ZNF606: variants seen among roughly 807,000 people sequenced by gnomAD.
ZNF606 encodes the protein zinc finger protein 606.
In ZNF606, 37 loss-of-function variants were observed where a neutral mutation model predicts 74.9. The ratio of observed to expected loss-of-function variants is 0.49; its 90% CI spans 0.38 to 0.65. The LOEUF is 0.65. Ranked by LOEUF, ZNF606 falls within the 30% of genes least tolerant of loss-of-function variation. ZNF606 has a pLI of 0.00. For synonymous variants in ZNF606, 328 were observed against 312.4 expected (o/e 1.05, Z -0.53); for missense variants, 852 against 952.9 (o/e 0.89, Z 1.39).
In ZNF606 at chr19:57,979,602, T is replaced by C. The variant is rs2073048773; in HGVS notation, c.1078A>G (p.Met360Val). ...ACAGTACCAATTTTTTGATGTTCCATAAAGGATGAGAAATAAAAGATATTC... is the reference window on the plus strand; with the variant it reads ...ACAGTACCAATTTTTTGATGTTCCACAAAGGATGAGAAATAAAAGATATTC... Reference protein sequence around the residue: ...YENIFYFSSFMEHQKIGTVEK... With the variant: ...YENIFYFSSFVEHQKIGTVEK... Residue 360 changes from methionine (M) to valine (V), a missense_variant, in exon 7 of 7, where the codon ATG (methionine) becomes GTG (valine). Met to Val is a conservative substitution (Grantham distance 21). Transcript: ENST00000551380. 4 of 1,613,378 alleles carry C rather than the reference T, an allele frequency of 2.5e-6. No homozygotes were observed. Among genetic ancestry groups the C allele is most frequent in the East Asian group, 2.2e-5 (1 of 44,878 alleles).
rs754395117 is a variant in ZNF606 at position 57,980,298 on chromosome 19, A to C, written c.401-19T>G. 6.3e-7 allele frequency: 1 copy of C among 1,580,466 alleles called. No individual in the cohort carries two copies. The highest frequency in any genetic ancestry group is 8.6e-7 in the Non-Finnish European group (1 of 1,165,966). The stretch of plus-strand genomic sequence containing the variant: ...ACCCATTCTGAAACAGACAGAAAAA[A>C]AGCTATGAGAGCATAGAGAAAGACA... On this transcript the variant is annotated intron_variant, in intron 6 of 6. Coordinates refer to ENST00000551380, the MANE Select transcript of ZNF606 (RefSeq NM_001348022.3).
chr19:57,988,854 A>C, intron 4 of ZNF606, 133 bp from the exon 5 acceptor site: 1 of 1,432,698 alleles, frequency 7.0e-7, no homozygotes, highest in Non-Finnish European at 9.6e-7. Context: ...CAAGAGTCTG[A>C]CTAATGTGAG....
Position 57,979,373 on chromosome 19 carries a change from A to C in ZNF606, c.1307T>G (p.Val436Gly). The C allele has an allele frequency of 6.2e-7, 1 of 1,612,542 alleles. No individual in the cohort carries two copies. Among genetic ancestry groups the C allele is most frequent in the Non-Finnish European group, 8.5e-7 (1 of 1,179,202 alleles). ...KPYECDKCGK[V>G]FRNRSALTKH... ...CGTAAGGGCTGAGCGATTCCTAAAAACTTTTCCACATTTATCACATTCATA... is the reference window on the plus strand; with the variant it reads ...CGTAAGGGCTGAGCGATTCCTAAAACCTTTTCCACATTTATCACATTCATA... Residue 436 changes from valine to glycine, a missense_variant, in exon 7 of 7, where the codon GTT becomes GGT. Physicochemically the swap from Val to Gly is moderately radical, Grantham distance 109. This residue lies in a region of ZNF606 where 545 missense variants were observed against 542.5 expected (regional missense o/e 1.00). Transcript: ENST00000551380.
intron 6 of ZNF606, among the ~76,000 whole-genome samples, chr19:57,987,029 G>A (rs984482983): frequency 2.0e-5 from 3 of 152,064 alleles, no homozygotes; most frequent in Admixed American, 6.5e-5. Flanking sequence ...TGCAGAGGCT[G>A]CAGTAAGTCA....
At chr19:58,000,599 C>G in intron 3 of ZNF606, 84 bp downstream of exon 3, 1 of 1,439,314 alleles carries the variant, frequency 6.9e-7, no homozygotes. Flanking sequence ...CACCTGGTCC[C>G]CATTCTATTC....
intron 4 of ZNF606, among the ~76,000 whole-genome samples, chr19:57,990,343 C>T (rs1216523313): frequency 2.0e-5 from 3 of 148,048 alleles, no homozygotes; most frequent in Admixed American, 6.8e-5. Context: ...CCAGCCTGGG[C>T]GACAAAGCAA....
chr19:57,987,573 A>T (rs1184306079), intron 6 of ZNF606, among the ~76,000 whole-genome samples: 2 of 152,188 alleles, frequency 1.3e-5, no homozygotes, highest in African/African-American at 4.8e-5. Context: ...CATGCCTGTA[A>T]TCCCAGCACT....
rs974342633 is a variant in ZNF606, at chr19:57,977,611, C to A, written c.*690G>T. The A allele has an allele frequency of 8.5e-5, 13 of 152,306 alleles. No homozygotes were observed. Among genetic ancestry groups the A allele is most frequent in the African/African-American group, 3.1e-4 (13 of 41,428 alleles). The allele number at this position is 152,306 out of a possible 1,614,324, so 9.4% of individuals were successfully genotyped here. Reference sequence around the variant, plus strand: ...TGCCCAACAATGCAGTGATGAGTAACAATGGACGCTGACACACTGGGCTAA... The same window carrying A: ...TGCCCAACAATGCAGTGATGAGTAAAAATGGACGCTGACACACTGGGCTAA... On this transcript the variant is annotated 3_prime_UTR_variant, in exon 7 of 7. Transcript: ENST00000551380.
At chr19:58,000,117 T>A in intron 3 of ZNF606, 1 of 547,344 alleles carries the variant, frequency 1.8e-6, no homozygotes, top group South Asian at 2.7e-5. Context: ...GGGTACCATC[T>A]CTGAGAAGCA....
intron 6 of ZNF606, among the ~76,000 whole-genome samples, chr19:57,982,346 A>G (rs13346861): frequency 0.19 from 28,419 of 152,056 alleles, 3,046 homozygotes; most frequent in African/African-American, 0.3. Flanking sequence ...ATCTTATAAA[A>G]GGACCCTTGT....
In ZNF606 at chr19:57,979,754, C is replaced by A; in HGVS notation, c.926G>T (p.Gly309Val). ...NHIIHFGDHKGIHTGEKLYEY... is the reference protein window; with the variant it reads ...NHIIHFGDHKVIHTGEKLYEY... ...ATAGAGTTTTTCTCCTGTGTGAATTCCTTTATGATCACCAAAATGTATTAT... is the reference window on the plus strand; with the variant it reads ...ATAGAGTTTTTCTCCTGTGTGAATTACTTTATGATCACCAAAATGTATTAT... The change falls in exon 7 of 7, where the codon GGA becomes GTA. Residue 309 changes from glycine (G) to valine (V), a missense_variant. Physicochemically the swap from Gly to Val is moderately radical, Grantham distance 109. This residue lies in a region of ZNF606 where 545 missense variants were observed against 542.5 expected (regional missense o/e 1.00). Coordinates refer to ENST00000551380, the MANE Select transcript of ZNF606 (RefSeq NM_001348022.3). The A allele has an allele frequency of 6.2e-7, 1 of 1,613,354 alleles. No individual in the cohort carries two copies. The highest frequency in any genetic ancestry group is 8.5e-7 in the Non-Finnish European group (1 of 1,179,934).
At chr19:58,001,487 GAA>G in intron 1 of ZNF606, 117 bp from the exon 2 acceptor site, 1 of 723,898 alleles carries the variant, frequency 1.4e-6, no homozygotes, top group Non-Finnish European at 2.4e-6. Context: ...AGCATCGTAA[GAA>G]AAGAGAATTT....
rs779999249 is a variant in ZNF606 at position 57,987,728 on chromosome 19, T to G, written c.400+479A>C. Among the ~76,000 whole-genome samples, 202 of 152,102 alleles carry G rather than the reference T, an allele frequency of 1.3e-3. 2 individuals are homozygous for G. The highest frequency in any genetic ancestry group is 1.7e-3 in the Non-Finnish European group (118 of 68,000). ...CTGTAATCCCAGCTACTCAGGAGGC[T>G]GAGGTGGGAGAATCGCTTGAACCCG... is the stretch of plus-strand genomic sequence containing the variant. On this transcript the variant is annotated intron_variant, in intron 6 of 6. Coordinates refer to ENST00000551380, the MANE Select transcript of ZNF606 (RefSeq NM_001348022.3).
chr19:57,995,183 C>CT (rs1246617972), intron 4 of ZNF606, among the ~76,000 whole-genome samples: 1 of 132,262 alleles, frequency 7.6e-6, no homozygotes, highest in Admixed American at 8.0e-5. Context: ...GAATGAGACT[C>CT]TGACTCAAAA....
intron 4 of ZNF606, among the ~76,000 whole-genome samples, chr19:57,989,299 T>A (rs73937086): frequency 6.6e-6 from 1 of 151,702 alleles, no homozygotes; most frequent in Non-Finnish European, 1.5e-5. Context: ...ACAGCTGCCA[T>A]TAAAAGCACA....
In ZNF606 at chr19:57,978,846, T is replaced by C; in HGVS notation, c.1834A>G (p.Thr612Ala). The C allele has an allele frequency of 3.1e-6, 5 of 1,614,172 alleles. No individual in the cohort carries two copies. The highest frequency in any genetic ancestry group is 4.2e-6 in the Non-Finnish European group (5 of 1,180,028). ...CCAGAATGAATTATCTCATGTTTAGTGAGGGCTGAGCGTTCTCTGAATGCT... is the reference window on the plus strand; with the variant it reads ...CCAGAATGAATTATCTCATGTTTAGCGAGGGCTGAGCGTTCTCTGAATGCT... ...GKAFRERSAL[T>A]KHEIIHSGIK... The change falls in exon 7 of 7, where the codon ACT becomes GCT. Residue 612 changes from threonine (T) to alanine (A), a missense_variant. Thr to Ala is a moderately conservative substitution (Grantham distance 58, BLOSUM62 0). Transcript: ENST00000551380. This position sits in a 1 kb window ranked among gnomAD's most constrained non-coding sequence, Gnocchi z 4.4.
chr19:57,997,973 A>T (rs1175611630), intron 4 of ZNF606: 3 of 152,224 alleles, frequency 2.0e-5, no homozygotes, highest in African/African-American at 7.2e-5. Flanking sequence ...AAGTGGGAAC[A>T]GCATACTTAT....
At chr19:57,999,616 C>A (rs1275997225) in intron 4 of ZNF606, 192 bp downstream of exon 4, 5 of 603,538 alleles carry the variant, frequency 8.3e-6, no homozygotes, top group African/African-American at 7.4e-5. Flanking sequence ...TGTGGACAGA[C>A]TGGTTGACAC....
chr19:57,990,513 C>G (rs2073241924), intron 4 of ZNF606, among the ~76,000 whole-genome samples: 1 of 140,568 alleles, frequency 7.1e-6, no homozygotes, highest in South Asian at 2.2e-4. Flanking sequence ...GCACTCCAAA[C>G]TGGGCAGTAG....
Sources: gnomAD v4.1 joint callset for allele counts (sites outside exome capture counted in the v4.1 genomes callset) on GRCh38, gnomAD v4.1.1 for gene constraint, gnomAD v4.1.1 regional missense constraint, Gnocchi (gnomAD v3.1) non-coding constraint, MANE v1.5 for transcripts, NCBI Gene and HGNC (gene_info 2026-07-23, HGNC 2026-07-21) for gene names.